Variants in CHRNA3 observed in about 807,000 individuals in gnomAD.
The protein encoded by CHRNA3 is cholinergic receptor nicotinic alpha 3 subunit, also known as neuronal acetylcholine receptor subunit alpha-3.
Under a neutral mutation model 41.9 loss-of-function variants are expected in CHRNA3, and 34 were observed. The observed-to-expected ratio is 0.81, with a 90% CI of 0.62 to 1.08. The LOEUF is 1.08. CHRNA3 is among the 50% of genes least tolerant of loss of function. The pLI is 0.00. For missense variants in CHRNA3, 542 were observed against 638.3 expected (o/e 0.85, Z 1.63); for synonymous variants, 281 against 265.2 (o/e 1.06, Z -0.58).
chr15:78,602,126 GT>G lies in CHRNA3; in HGVS notation c.515del (p.Asn172ThrfsTer4). ...ACCAGGAACCGAACTTCATGGTACAGTTTTGGTAATCAAACGGGAAGTAGGT... is the reference window on the plus strand; with the variant it reads ...ACCAGGAACCGAACTTCATGGTACAGTTTGGTAATCAAACGGGAAGTAGGT... ...DVTYFPFDYQ[N>X]CTMKFGSWSY... On this transcript the variant is annotated frameshift_variant, in exon 5 of 6. Transcript: ENST00000326828. LOFTEE classifies it high-confidence loss of function. The G allele has an allele frequency of 1.2e-6, 2 of 1,614,174 alleles. No homozygotes were observed. The highest frequency in any genetic ancestry group is 1.7e-6 in the Non-Finnish European group (2 of 1,180,038).
intron 4 of CHRNA3, among the ~76,000 whole-genome samples, chr15:78,609,399 C>G (rs1340655106): frequency 2.6e-5 from 4 of 152,170 alleles, no homozygotes; most frequent in African/African-American, 9.7e-5. Context: ...ACTCTACAAG[C>G]CAGAAGAGAG....
intron 4 of CHRNA3, among the ~76,000 whole-genome samples, chr15:78,602,881 A>G (rs1487257657): frequency 6.6e-6 from 1 of 152,062 alleles, no homozygotes; most frequent in Admixed American, 6.6e-5. Flanking sequence ...GTTTTACAAT[A>G]ATCATGTTTT....
chr15:78,616,372 A>G (rs868826325), intron 4 of CHRNA3, among the ~76,000 whole-genome samples: 7 of 83,846 alleles, frequency 8.3e-5, no homozygotes, highest in Middle Eastern at 9.4e-3. Flanking sequence ...CCCCCCAAAA[A>G]AAAAGCTCCT....
rs199926717 is a variant in CHRNA3 at position 78,596,001 on chromosome 15, T to G, written c.*603A>C. 4.1e-5 allele frequency: 38 copies of G among 936,304 alleles called. No homozygotes were observed. The highest frequency in any genetic ancestry group is 4.7e-5 in the Non-Finnish European group (37 of 785,778). The allele number at this position is 936,304 out of a possible 1,614,324, so 58.0% of individuals were successfully genotyped here. ...TTTCTGTTGTTTATAATCCACCCAG[T>G]TTATGGTGTACTAAGACAGTTATAT... On this transcript the variant is annotated 3_prime_UTR_variant, in exon 6 of 6. Transcript: ENST00000326828.
chr15:78,594,039 CAAATAATAA>C (rs1309255588), downstream of CHRNA3: 2 of 152,098 alleles, frequency 1.3e-5, no homozygotes, highest in Non-Finnish European at 1.5e-5. Context: ...AACTCAGTCT[CAAATAATAA>C]TAATAACAAC....
Position 78,601,733 on chromosome 15 carries a change from CA to C in CHRNA3, c.908del (p.Leu303ArgfsTer10), listed in dbSNP as rs1567076744. On this transcript the variant is annotated frameshift_variant, in exon 5 of 6. Coordinates refer to ENST00000326828, the MANE Select transcript of CHRNA3 (RefSeq NM_000743.5). LOFTEE classifies it high-confidence loss of function. The stretch of plus-strand genomic sequence containing the variant: ...TGGTGAACAGGAGGTACTCTCCAAT[CA>C]GGGGGATGACCAGCGAGGTGGAAGG... The part of the protein sequence containing the change: ...TIPSTSLVIP[L>X]IGEYLLFTMI... The C allele has an allele frequency of 6.2e-7, 1 of 1,614,104 alleles. No homozygotes were observed.
At position 78,602,080 on chromosome 15, in the gene CHRNA3, C is replaced by T. The variant is rs759225098; in HGVS notation, c.562G>A (p.Asp188Asn). ...GSWSYDKAKI[D>N]LVLIGSSMNL... ...ATGGAAGAGCCGATCAGGACCAGAT[C>T]GATTTTCGCCTTATCGTAGGACCAG... The change falls in exon 5 of 6, where the codon GAT becomes AAT. Residue 188 changes from aspartate (D) to asparagine (N), a missense_variant. Coordinates refer to ENST00000326828, the MANE Select transcript of CHRNA3 (RefSeq NM_000743.5). The T allele has an allele frequency of 3.1e-6, 5 of 1,614,122 alleles. No individual in the cohort carries two copies. The highest frequency in any genetic ancestry group is 4.5e-5 in the East Asian group (2 of 44,884).
intron 4 of CHRNA3, among the ~76,000 whole-genome samples, chr15:78,611,716 G>C (rs921651070): frequency 1.3e-5 from 2 of 151,660 alleles, no homozygotes; most frequent in Non-Finnish European, 2.9e-5. Context: ...GGAAGTTCTG[G>C]CCAGGGCAAT....
intron 4 of CHRNA3, chr15:78,607,545 G>C (rs552604915): frequency 7.1e-6 from 1 of 141,532 alleles, no homozygotes; most frequent in Admixed American, 6.7e-5. Flanking sequence ...TGGCTAAAAC[G>C]GTGAAACCCC....
intron 4 of CHRNA3, among the ~76,000 whole-genome samples, chr15:78,611,203 C>T (rs182533348): frequency 1.3e-5 from 2 of 152,324 alleles, no homozygotes; most frequent in Admixed American, 6.5e-5. Context: ...AAGAGGGAAT[C>T]CTCCCTAACT....
At chr15:78,604,120 T>C (rs1176915114) in intron 4 of CHRNA3, among the ~76,000 whole-genome samples, 1 of 152,188 alleles carries the variant, frequency 6.6e-6, no homozygotes, top group Non-Finnish European at 1.5e-5. Context: ...TGGCAAGCTG[T>C]GGTCCTCTTT....
rs2053132510 is a variant in CHRNA3 at position 78,597,513 on chromosome 15, C to G, written c.1390-781G>C. On this transcript the variant is annotated intron_variant, in intron 5 of 5. Coordinates refer to ENST00000326828, the MANE Select transcript of CHRNA3 (RefSeq NM_000743.5). ...TCAGGGCAAGTCCATCCTCATCACTCTTTCCCTCCCCACTGCCCTCTCCAC... is the reference window on the plus strand; with the variant it reads ...TCAGGGCAAGTCCATCCTCATCACTGTTTCCCTCCCCACTGCCCTCTCCAC... Among the ~76,000 whole-genome samples, 6 of 152,328 alleles carry G rather than the reference C, an allele frequency of 3.9e-5. No individual in the cohort carries two copies. In the South Asian group the frequency reaches 1.0e-3, roughly 26 times the overall value.
intron 4 of CHRNA3, among the ~76,000 whole-genome samples, chr15:78,606,590 C>G (rs55676755): frequency 0.27 from 41,127 of 151,862 alleles, 6,349 homozygotes; most frequent in Middle Eastern, 0.41. Context: ...AGAAAAAAAT[C>G]ATTTTAGAAA....
Position 78,620,978 on chromosome 15 carries a change from G to T in CHRNA3, c.-184C>A. 1 of 651,718 alleles carries T rather than the reference G, an allele frequency of 1.5e-6. No homozygotes were observed. Among genetic ancestry groups the T allele is most frequent in the Non-Finnish European group, 2.0e-6 (1 of 487,826 alleles). 40.4% of individuals were successfully genotyped at this position (651,718 alleles called of 1,614,324 possible). A position where few individuals can be genotyped will look rare whatever the true frequency, so the allele number is the denominator to read the frequency against. Reference sequence around the variant, plus strand: ...TCCAGCGCCCTCGGACCCGCGGGAGGACAGGAACCATCCGGAGTGAAGCTG... The same window carrying T: ...TCCAGCGCCCTCGGACCCGCGGGAGTACAGGAACCATCCGGAGTGAAGCTG... On this transcript the variant is annotated 5_prime_UTR_variant, in exon 1 of 6. Coordinates refer to ENST00000326828, the MANE Select transcript of CHRNA3 (RefSeq NM_000743.5).
chr15:78,593,331 A>AGT (rs1174235413), downstream of CHRNA3: 24 of 1,381,738 alleles, frequency 1.7e-5, no homozygotes, highest in Non-Finnish European at 2.1e-5. Flanking sequence ...TGAAAATGTA[A>AGT]GTTATGTGTT....
chr15:78,603,284 A>G (rs1596074872), intron 4 of CHRNA3, among the ~76,000 whole-genome samples: 2 of 152,166 alleles, frequency 1.3e-5, no homozygotes, highest in African/African-American at 2.4e-5. Context: ...CAAAGTGCTG[A>G]GATTACAGGC....
downstream of CHRNA3, chr15:78,593,353 AAG>A: frequency 8.3e-7 from 1 of 1,203,012 alleles, no homozygotes; most frequent in Non-Finnish European, 1.1e-6. Context: ...AATTTAGTGC[AAG>A]CTTTAACAGA....
chr15:78,607,552 C>A, intron 4 of CHRNA3: 1 of 142,380 alleles, frequency 7.0e-6, no homozygotes, highest in Non-Finnish European at 1.5e-5. Context: ...AACGGTGAAA[C>A]CCCGTCGCTA....
chr15:78,605,880 G>A (rs1169316769), intron 4 of CHRNA3, among the ~76,000 whole-genome samples: 2 of 152,192 alleles, frequency 1.3e-5, no homozygotes, highest in African/African-American at 4.8e-5. Flanking sequence ...CATGACTGTG[G>A]AGACTGGGGA....
Sources: allele counts gnomAD v4.1 joint callset (sites outside exome capture counted in the v4.1 genomes callset), GRCh38; gene constraint gnomAD v4.1.1; transcripts MANE v1.5; gene names NCBI Gene and HGNC (gene_info 2026-07-23, HGNC 2026-07-21).